Variants in MYLK2 observed in about 807,000 individuals in gnomAD.
The protein encoded by MYLK2 is myosin light chain kinase 2.
A neutral mutation model predicts 58.2 loss-of-function variants in MYLK2; 27 were observed. The ratio of observed to expected loss-of-function variants is 0.46; its 90% CI spans 0.34 to 0.64. The LOEUF is 0.64. Among genes scored for constraint, MYLK2 ranks in the 30% least tolerant of loss-of-function variants. The pLI is 0.01. For synonymous variants in MYLK2, 310 were observed against 296.7 expected (o/e 1.04, Z -0.46); for missense variants, 676 against 764.3 (o/e 0.88, Z 1.36).
Position 31,833,715 on chromosome 20 carries a change from A to G in MYLK2, c.1711-2A>G. The G allele has an allele frequency of 6.2e-7, 1 of 1,613,794 alleles. No individual in the cohort carries two copies. Among genetic ancestry groups the G allele is most frequent in the Non-Finnish European group, 8.5e-7 (1 of 1,179,842 alleles). ...TGGGACTCCCTCTCTTCTGCCCTCT[A>G]GAAAAACTTCATTGCTGTCAGCGCT... On this transcript the variant is annotated splice_acceptor_variant, in intron 12 of 12. Coordinates refer to ENST00000375985, the MANE Select transcript of MYLK2 (RefSeq NM_033118.4). LOFTEE classifies it high-confidence loss of function.
intron 10 of MYLK2, among the ~76,000 whole-genome samples, 173 bp downstream of exon 10, chr20:31,831,314 C>A (rs748793357): frequency 1.3e-5 from 2 of 151,646 alleles, no homozygotes; most frequent in African/African-American, 2.4e-5. Context: ...AACGTGGTAC[C>A]CATTTCATAG....
At chr20:31,828,629 T>C (rs2062291341) in intron 8 of MYLK2, 1 of 985,446 alleles carries the variant, frequency 1.0e-6, no homozygotes, top group Non-Finnish European at 1.2e-6. Context: ...ACGAGAGTAA[T>C]GCGGAATCGC....
chr20:31,826,756 A>T, intron 7 of MYLK2, 41 bp from the exon 8 acceptor site: 1 of 1,614,012 alleles, frequency 6.2e-7, no homozygotes, highest in Non-Finnish European at 8.5e-7. Context: ...TGGGGGTACC[A>T]CCAGGCACGG....
chr20:31,823,734 T>G, intron 5 of MYLK2, 152 bp downstream of exon 5: 2 of 915,626 alleles, frequency 2.2e-6, no homozygotes, highest in Non-Finnish European at 3.4e-6. Context: ...ACACACTGTG[T>G]GCAGCTGTCA....
At chr20:31,828,793 A>G (rs1214461929) in intron 8 of MYLK2, 1 of 899,200 alleles carries the variant, frequency 1.1e-6, no homozygotes, top group Non-Finnish European at 1.3e-6. Context: ...TGTTAATATC[A>G]CTGCCACTGA....
At chr20:31,832,742 C>T (rs2062313243) in intron 12 of MYLK2, among the ~76,000 whole-genome samples, 2 of 152,130 alleles carry the variant, frequency 1.3e-5, no homozygotes, top group Non-Finnish European at 2.9e-5. Flanking sequence ...CCACCTGCCT[C>T]CGCCTCCCAA....
intron 5 of MYLK2, 67 bp downstream of exon 5, chr20:31,823,649 T>A: frequency 6.7e-7 from 1 of 1,491,298 alleles, no homozygotes; most frequent in Non-Finnish European, 9.3e-7. Flanking sequence ...TGGCTTCACA[T>A]TTCCCCTGTG....
In MYLK2 at chr20:31,826,650, C is replaced by T. The variant is rs763678910; in HGVS notation, c.1018C>T (p.Arg340Cys). 47 of 1,613,900 alleles carry T rather than the reference C, an allele frequency of 2.9e-5. No homozygotes were observed. The highest frequency in any genetic ancestry group is 1.6e-4 in the Middle Eastern group (1 of 6,084). ...EIEVMNQLNHRNLIQLYAAIE... is the reference protein window; with the variant it reads ...EIEVMNQLNHCNLIQLYAAIE... The stretch of plus-strand genomic sequence containing the variant: ...TGAGGTCATGAACCAGCTGAACCAC[C>T]GCAATCTGATCCAGCTGTATGCAGC... Residue 340 changes from arginine (R) to cysteine (C), a missense_variant, in exon 7 of 13, where the codon CGC becomes TGC. Physicochemically the swap from Arg to Cys is radical, Grantham distance 180 (BLOSUM62 -3). Coordinates refer to ENST00000375985, the MANE Select transcript of MYLK2 (RefSeq NM_033118.4).
intron 10 of MYLK2, 77 bp from the exon 11 acceptor site, chr20:31,831,626 C>A: frequency 1.3e-6 from 2 of 1,540,790 alleles, no homozygotes; most frequent in Non-Finnish European, 1.8e-6. Flanking sequence ...AGGATCTGCC[C>A]CTGTTCCCTA....
At chr20:31,821,367 T>C (rs1290794276) in intron 3 of MYLK2, 72 bp from the exon 4 acceptor site, 3 of 1,588,932 alleles carry the variant, frequency 1.9e-6, no homozygotes, top group African/African-American at 2.7e-5. Context: ...GCTCTGCAGA[T>C]TGCATTGAGA....
rs1307351425 is a variant in MYLK2, at chr20:31,833,633, AG to A, written c.1711-80del. On this transcript the variant is annotated intron_variant, in intron 12 of 12. Coordinates refer to ENST00000375985, the MANE Select transcript of MYLK2 (RefSeq NM_033118.4). ...CTAGCCTGTGACCCTCCTGGACTGA[AG>A]GGGACTTACAGGCTGCTCAGACACC... is the stretch of plus-strand genomic sequence containing the variant. 8.1e-6 allele frequency: 10 copies of A among 1,230,960 alleles called. No homozygotes were observed. In the East Asian group the frequency reaches 1.4e-4, roughly 17 times the overall value. The allele number at this position is 1,230,960 out of a possible 1,614,324, so 76.3% of individuals were successfully genotyped here. A position where few individuals can be genotyped will look rare whatever the true frequency, so the allele number is the denominator to read the frequency against.
chr20:31,825,081 T>C (rs1403023823), intron 6 of MYLK2, among the ~76,000 whole-genome samples: 2 of 152,136 alleles, frequency 1.3e-5, no homozygotes, highest in Non-Finnish European at 2.9e-5. Context: ...GGGCCAGAGA[T>C]AGCAGGAGGT....
At position 31,831,188 on chromosome 20, in the gene MYLK2, G is replaced by A. The variant is rs373086251; in HGVS notation, c.1424+47G>A. 423 of 1,613,382 alleles carry A rather than the reference G, an allele frequency of 2.6e-4. 1 individual carries two copies. Among genetic ancestry groups the A allele is most frequent in the South Asian group, 4.2e-4 (38 of 90,970 alleles). Reference sequence around the variant, plus strand: ...GTTTATGGGGTTGGTGGGGCATGGGGGCGAGCGGCCGAGGCCAAGATTGGC... The same window carrying A: ...GTTTATGGGGTTGGTGGGGCATGGGAGCGAGCGGCCGAGGCCAAGATTGGC... On this transcript the variant is annotated intron_variant, in intron 10 of 12. Coordinates refer to ENST00000375985, the MANE Select transcript of MYLK2 (RefSeq NM_033118.4).
intron 4 of MYLK2, among the ~76,000 whole-genome samples, chr20:31,822,251 T>G (rs2062255027): frequency 6.6e-6 from 1 of 151,656 alleles, no homozygotes; most frequent in South Asian, 2.1e-4. Flanking sequence ...AAAATGAAGT[T>G]AAAAAAAAGA....
intron 12 of MYLK2, 30 bp from the exon 13 acceptor site, chr20:31,833,687 G>A: frequency 6.2e-7 from 1 of 1,605,280 alleles, no homozygotes; most frequent in Non-Finnish European, 8.5e-7. Flanking sequence ...CCCTGGTGTT[G>A]ACTGGGACTC....
rs1303814987 is a variant in MYLK2 at position 31,826,618 on chromosome 20, T to C, written c.986T>C (p.Leu329Pro). ...CCTGGTCCCCAGGAAATGGTGTTGCTGGAGATTGAGGTCATGAACCAGCTG... is the reference window on the plus strand; with the variant it reads ...CCTGGTCCCCAGGAAATGGTGTTGCCGGAGATTGAGGTCATGAACCAGCTG... ...QTPKDKEMVL[L>P]EIEVMNQLNH... The change falls in exon 7 of 13, where the codon CTG (leucine) becomes CCG (proline). Residue 329 changes from leucine to proline, a missense_variant. By Grantham distance (98) the Leu-to-Pro change is moderately conservative. Transcript: ENST00000375985. 1 of 1,613,918 alleles carries C rather than the reference T, an allele frequency of 6.2e-7. No individual in the cohort carries two copies.
At chr20:31,827,567 G>A (rs1201071323) in intron 8 of MYLK2, 1 of 983,134 alleles carries the variant, frequency 1.0e-6, no homozygotes, top group Non-Finnish European at 1.2e-6. Flanking sequence ...TGCCCAGGCT[G>A]GAGTGCAGTG....
rs941017766 is a variant in MYLK2, at chr20:31,822,580, G to T, written c.772+843G>T. The stretch of plus-strand genomic sequence containing the variant: ...CTTGGCCAGCAGGTGAATAGGGAAA[G>T]GGCCTGGGCAGGGGTGCGGCAGGGC... On this transcript the variant is annotated intron_variant, in intron 4 of 12. Coordinates refer to ENST00000375985, the MANE Select transcript of MYLK2 (RefSeq NM_033118.4). 6.6e-5 allele frequency among the ~76,000 whole-genome samples: 10 copies of T among 152,174 alleles called. 1 individual carries two copies. The highest frequency in any genetic ancestry group is 3.9e-4 in the Admixed American group (6 of 15,290).
At chr20:31,827,511 A>C (rs1413908542) in intron 8 of MYLK2, 1 of 985,250 alleles carries the variant, frequency 1.0e-6, no homozygotes, top group Admixed American at 6.2e-5. Flanking sequence ...TCGTGAAAGA[A>C]TATTGATATC....
Sources: gnomAD v4.1 joint callset for allele counts (sites outside exome capture counted in the v4.1 genomes callset) on GRCh38, gnomAD v4.1.1 for gene constraint, MANE v1.5 for transcripts, NCBI Gene and HGNC (gene_info 2026-07-23, HGNC 2026-07-21) for gene names.